Variants in PTPRD observed in about 807,000 individuals in gnomAD.
PTPRD encodes receptor-type tyrosine-protein phosphatase delta.
In PTPRD, 34 loss-of-function variants were observed where a neutral mutation model predicts 214.5. The observed-to-expected ratio is 0.16, with a 90% CI of 0.12 to 0.21. PTPRD has a LOEUF of 0.21. Among genes scored for constraint, PTPRD ranks in the 10% least tolerant of loss-of-function variants. The probability of loss-of-function intolerance (pLI) is 1.00; values close to 1 mark genes in which losing one functional copy is unlikely to be tolerated. For missense variants in PTPRD, 2,545 were observed against 2,398.7 expected (o/e 1.06, Z -1.27); for synonymous variants, 1,128 against 845.7 (o/e 1.33, Z -5.79).
chr9:10,476,398 G>A (rs1421094625), intron 2 of PTPRD, among the ~76,000 whole-genome samples: 7 of 151,848 alleles, frequency 4.6e-5, no homozygotes, highest in African/African-American at 1.7e-4. Flanking sequence ...CTACAAAGAG[G>A]AGAATAAAAT....
intron 7 of PTPRD, among the ~76,000 whole-genome samples, chr9:9,636,606 C>T (rs1381108196): frequency 6.6e-6 from 1 of 152,166 alleles, no homozygotes; most frequent in African/African-American, 2.4e-5. Context: ...GAGAAACAGT[C>T]TTCTTTTTCC....
intron 12 of PTPRD, among the ~76,000 whole-genome samples, chr9:8,664,001 G>C (rs1007986262): frequency 3.3e-5 from 5 of 151,646 alleles, no homozygotes; most frequent in African/African-American, 1.2e-4. Flanking sequence ...GATCTTTCCG[G>C]ATGTCATGGA....
chr9:9,220,689 A>G (rs1197473354), intron 9 of PTPRD, among the ~76,000 whole-genome samples: 2 of 152,126 alleles, frequency 1.3e-5, no homozygotes, highest in East Asian at 1.9e-4. Flanking sequence ...CCTACAGCAC[A>G]GTCAACTACA....
At chr9:8,321,481 GTGTGTGTATATATATATATATA>G (rs1258895310) in intron 44 of PTPRD, among the ~76,000 whole-genome samples, 4 of 49,196 alleles carry the variant, frequency 8.1e-5, no homozygotes, top group African/African-American at 5.9e-4. Context: ...GTGTGTGTGT[GTGTGTGTATATATATATATATA>G]TATATATATA....
At chr9:10,322,248 T>A (rs1208105843) in intron 3 of PTPRD, among the ~76,000 whole-genome samples, 1 of 151,970 alleles carries the variant, frequency 6.6e-6, no homozygotes, top group African/African-American at 2.4e-5. Context: ...TTATACATGA[T>A]AAAATGGTGC....
At chr9:8,924,944 T>A (rs1173494315) in intron 11 of PTPRD, among the ~76,000 whole-genome samples, 3 of 152,208 alleles carry the variant, frequency 2.0e-5, no homozygotes, top group Non-Finnish European at 4.4e-5. Flanking sequence ...TTGCTTATGC[T>A]GCTGATGATT....
chr9:8,535,238 T>A (rs1343702189), intron 14 of PTPRD, among the ~76,000 whole-genome samples: 2 of 151,916 alleles, frequency 1.3e-5, no homozygotes, highest in East Asian at 3.9e-4. Context: ...ATCAGAGGCA[T>A]GTGACTCTAA....
chr9:8,475,263 G>C (rs1326414971), intron 30 of PTPRD, among the ~76,000 whole-genome samples: 1 of 152,050 alleles, frequency 6.6e-6, no homozygotes, highest in Non-Finnish European at 1.5e-5. Context: ...TGTCCTTCTT[G>C]CCCTCTTAGC....
chr9:9,246,387 A>G (rs1047086640), intron 9 of PTPRD, among the ~76,000 whole-genome samples: 1 of 152,082 alleles, frequency 6.6e-6, no homozygotes, highest in Non-Finnish European at 1.5e-5. Context: ...TCACCAGATT[A>G]GCTTATACAT....
intron 31 of PTPRD, among the ~76,000 whole-genome samples, chr9:8,469,523 G>C (rs1383104613): frequency 2.0e-5 from 3 of 151,986 alleles, no homozygotes; most frequent in Non-Finnish European, 4.4e-5. Context: ...AATATATCAA[G>C]ATTAATTGAT....
intron 8 of PTPRD, among the ~76,000 whole-genome samples, chr9:9,473,432 G>A (rs775156590): frequency 1.3e-5 from 2 of 152,102 alleles, no homozygotes; most frequent in Non-Finnish European, 2.9e-5. Context: ...TGCAATAAAC[G>A]TGGAGGTGCA....
At chr9:10,202,875 C>G (rs568079480) in intron 3 of PTPRD, among the ~76,000 whole-genome samples, 2 of 151,804 alleles carry the variant, frequency 1.3e-5, no homozygotes, top group East Asian at 3.9e-4. Flanking sequence ...GTATTAGGTG[C>G]TAACCAGGAA....
At chr9:9,273,141 A>T (rs1337996631) in intron 9 of PTPRD, among the ~76,000 whole-genome samples, 1 of 151,298 alleles carries the variant, frequency 6.6e-6, no homozygotes, top group African/African-American at 2.4e-5. Context: ...TTGTTAAGTG[A>T]CCATGCTTAT....
At chr9:10,073,641 C>T (rs1817741352) in intron 3 of PTPRD, among the ~76,000 whole-genome samples, 1 of 152,032 alleles carries the variant, frequency 6.6e-6, no homozygotes, top group Non-Finnish European at 1.5e-5. Flanking sequence ...AGTTCCTTTG[C>T]CTTTGAGTCC....
At chr9:9,293,127 C>T (rs1951761262) in intron 9 of PTPRD, among the ~76,000 whole-genome samples, 1 of 151,464 alleles carries the variant, frequency 6.6e-6, no homozygotes, top group Non-Finnish European at 1.5e-5. Flanking sequence ...GCTTTACCTT[C>T]TTGAGAGTGA....
intron 9 of PTPRD, among the ~76,000 whole-genome samples, chr9:9,386,825 A>T (rs562573783): frequency 1.3e-5 from 2 of 152,118 alleles, no homozygotes; most frequent in African/African-American, 4.8e-5. Context: ...GGACATTTGG[A>T]TGTACTCTGG....
chr9:10,006,232 G>A (rs998737932), intron 4 of PTPRD, among the ~76,000 whole-genome samples: 7 of 151,946 alleles, frequency 4.6e-5, no homozygotes, highest in Admixed American at 3.3e-4. Context: ...ATTTACATCA[G>A]TTCCCTGCTA....
chr9:9,903,979 A>G (rs1295118081), intron 5 of PTPRD, among the ~76,000 whole-genome samples: 1 of 152,130 alleles, frequency 6.6e-6, no homozygotes, highest in Admixed American at 6.6e-5. Flanking sequence ...ATCTTGGGTC[A>G]AAGCCCCTGC....
chr9:8,805,181 A>G (rs59082546), intron 11 of PTPRD, among the ~76,000 whole-genome samples: 23,526 of 152,254 alleles, frequency 0.15, 1,916 homozygotes, highest in Admixed American at 0.21. Context: ...TTGTGGGCCT[A>G]GCCCCACTTA....
Sources: gnomAD v4.1 joint callset for allele counts (sites outside exome capture counted in the v4.1 genomes callset) on GRCh38, gnomAD v4.1.1 for gene constraint, MANE v1.5 for transcripts, NCBI Gene and HGNC (gene_info 2026-07-23, HGNC 2026-07-21) for gene names.